C10orf143: variants seen among roughly 807,000 people sequenced by gnomAD.
The protein encoded by C10orf143 is uncharacterized protein C10orf143.
At chr10:130,037,710 A>C (rs1392405067) in intron 3 of C10orf143, among the ~76,000 whole-genome samples, 1 of 152,098 alleles carries the variant, frequency 6.6e-6, no homozygotes, top group Non-Finnish European at 1.5e-5. Flanking sequence ...TTAATATCAG[A>C]CCCATACGTG....
intron 3 of C10orf143, among the ~76,000 whole-genome samples, chr10:130,071,573 T>TA (rs1245862645): frequency 6.6e-6 from 1 of 152,244 alleles, no homozygotes; most frequent in Non-Finnish European, 1.5e-5. Context: ...AAGCTTTTCT[T>TA]AGACAATGAT....
At chr10:130,095,244 A>C (rs1439885456) in intron 1 of C10orf143, among the ~76,000 whole-genome samples, 1 of 151,938 alleles carries the variant, frequency 6.6e-6, no homozygotes, top group East Asian at 1.9e-4. Context: ...AGGGATGTGA[A>C]GGACCTCTTC....
At chr10:130,093,907 G>A (rs1861422707) in intron 1 of C10orf143, among the ~76,000 whole-genome samples, 1 of 151,482 alleles carries the variant, frequency 6.6e-6, no homozygotes, top group South Asian at 2.1e-4. Flanking sequence ...CTACTCAGGA[G>A]GCTGAGGCAG....
At chr10:130,059,845 A>G (rs923396531), downstream of C10orf143, among the ~76,000 whole-genome samples, 5 of 152,242 alleles carry the variant, frequency 3.3e-5, no homozygotes, top group African/African-American at 1.2e-4. Context: ...ACACAAAACA[A>G]AACAAAATCA....
At chr10:130,095,862 C>T (rs908332167) in intron 1 of C10orf143, among the ~76,000 whole-genome samples, 6 of 152,144 alleles carry the variant, frequency 3.9e-5, no homozygotes, top group African/African-American at 1.4e-4. Flanking sequence ...CTAGGCAATA[C>T]CATTCAGGAC....
At chr10:130,053,420 A>C (rs1860759361) in intron 3 of C10orf143, among the ~76,000 whole-genome samples, 2 of 152,214 alleles carry the variant, frequency 1.3e-5, no homozygotes, top group African/African-American at 4.8e-5. Context: ...AATATAAAAA[A>C]TACTTCAGGA....
chr10:130,039,665 A>G (rs1860584635), intron 3 of C10orf143, among the ~76,000 whole-genome samples: 1 of 152,212 alleles, frequency 6.6e-6, no homozygotes, highest in Non-Finnish European at 1.5e-5. Flanking sequence ...AAGTGGACCC[A>G]TAAAATTCAC....
chr10:130,060,740 G>A (rs1273935439), downstream of C10orf143, among the ~76,000 whole-genome samples: 2 of 147,412 alleles, frequency 1.4e-5, no homozygotes, highest in Non-Finnish European at 3.0e-5. Flanking sequence ...GGAGAATGGT[G>A]TGAACCTGGG....
intron 3 of C10orf143, among the ~76,000 whole-genome samples, chr10:130,041,589 G>A (rs1022028976): frequency 6.6e-6 from 1 of 152,184 alleles, no homozygotes; most frequent in Non-Finnish European, 1.5e-5. Flanking sequence ...TAACTTATGA[G>A]TTTTAACACT....
chr10:130,093,956 G>A (rs1861423504), intron 1 of C10orf143, among the ~76,000 whole-genome samples: 1 of 149,558 alleles, frequency 6.7e-6, no homozygotes, highest in Non-Finnish European at 1.5e-5. Flanking sequence ...CTTGCAGTAA[G>A]CCAAGATCGT....
chr10:130,074,544 G>A (rs933157278), intron 3 of C10orf143, among the ~76,000 whole-genome samples: 17 of 151,992 alleles, frequency 1.1e-4, no homozygotes, highest in African/African-American at 3.4e-4. Flanking sequence ...CTTTGGTCCC[G>A]TCCCCAGCTT....
intron 1 of C10orf143, among the ~76,000 whole-genome samples, chr10:130,104,387 C>T (rs1861606568): frequency 6.6e-6 from 1 of 152,214 alleles, no homozygotes; most frequent in Admixed American, 6.5e-5. Context: ...CCTGCAAAGT[C>T]ACTACAGAGA....
At chr10:130,110,499 A>G (rs1005655839) in intron 1 of C10orf143, among the ~76,000 whole-genome samples, 10 of 152,346 alleles carry the variant, frequency 6.6e-5, no homozygotes, top group African/African-American at 2.2e-4. Flanking sequence ...CAGGCGCGAA[A>G]CCGGGAGAGC....
intron 3 of C10orf143, among the ~76,000 whole-genome samples, chr10:130,037,248 G>A (rs528150225): frequency 8.9e-4 from 136 of 152,290 alleles, no homozygotes; most frequent in African/African-American, 3.2e-3. Context: ...CCGGGCCGCC[G>A]CTTCCGCCGT....
At chr10:130,099,159 G>A (rs150824968) in intron 1 of C10orf143, among the ~76,000 whole-genome samples, 1 of 151,900 alleles carries the variant, frequency 6.6e-6, no homozygotes, top group East Asian at 1.9e-4. Flanking sequence ...TATTAGGGTT[G>A]TAACCAAAGA....
downstream of C10orf143, among the ~76,000 whole-genome samples, chr10:130,063,136 A>G (rs933688952): frequency 2.0e-5 from 3 of 152,132 alleles, no homozygotes; most frequent in African/African-American, 7.2e-5. Context: ...ACTGTTCTCT[A>G]CAAAAGCCAG....
chr10:130,039,595 CTCACAGACACACCCAGAAATAATATT>C (rs1433512118), intron 3 of C10orf143, among the ~76,000 whole-genome samples: 1 of 152,190 alleles, frequency 6.6e-6, no homozygotes, highest in African/African-American at 2.4e-5. Context: ...CAGAAACATT[CTCACAGACACACCCAGAAATAATATT>C]TCACTAGCTA....
intron 3 of C10orf143, among the ~76,000 whole-genome samples, chr10:130,047,029 G>A (rs1186175254): frequency 2.0e-5 from 3 of 152,246 alleles, no homozygotes; most frequent in Non-Finnish European, 4.4e-5. Context: ...TATAATCCAG[G>A]TGTTTCACTG....
intron 3 of C10orf143, among the ~76,000 whole-genome samples, chr10:130,042,032 C>G (rs960881769): frequency 6.6e-6 from 1 of 152,096 alleles, no homozygotes; most frequent in African/African-American, 2.4e-5. Flanking sequence ...TTCATACATA[C>G]CCAAATATGC....
Sources: gnomAD v4.1 joint callset for allele counts (sites outside exome capture counted in the v4.1 genomes callset) on GRCh38, gnomAD v4.1.1 for gene constraint, MANE v1.5 for transcripts, NCBI Gene and HGNC (gene_info 2026-07-23, HGNC 2026-07-21) for gene names.